RASAL2: variants seen among roughly 807,000 people sequenced by gnomAD.
RASAL2 encodes the protein RAS protein activator like 2, also known as ras GTPase-activating protein nGAP.
RASAL2 carries 58 observed loss-of-function variants against 128.9 expected under a neutral mutation model. The observed-to-expected ratio is 0.45, with a 90% CI of 0.36 to 0.56. The LOEUF (loss-of-function observed/expected upper bound fraction) is 0.56, where lower values mean the gene tolerates loss of function less well. Ranked by LOEUF, RASAL2 falls within the 20% of genes least tolerant of loss-of-function variation. RASAL2 has a pLI of 0.00. For synonymous variants in RASAL2, 561 were observed against 580.8 expected (o/e 0.97, Z 0.49); for missense variants, 1,360 against 1,601.6 (o/e 0.85, Z 2.57).
intron 14 of RASAL2, among the ~76,000 whole-genome samples, chr1:178,460,193 C>T (rs955584647): frequency 1.3e-5 from 2 of 152,112 alleles, no homozygotes; most frequent in African/African-American, 2.4e-5. Flanking sequence ...ATAGGATTAG[C>T]GAAGAGCATG....
rs571231229 is a variant in RASAL2, at chr1:178,351,732, GA to G, written c.458-38351del. Reference sequence around the variant, plus strand: ...TGACAGAGCGAGACTCTATCTCAAGGAAAAAAAAAAAAAAAAAGTGTAGGCA... The same window carrying G: ...TGACAGAGCGAGACTCTATCTCAAGGAAAAAAAAAAAAAAAAGTGTAGGCA... On this transcript the variant is annotated intron_variant, in intron 3 of 17. Transcript: ENST00000367649. Among the ~76,000 whole-genome samples, 226 of 110,982 alleles carry G rather than the reference GA, an allele frequency of 2.0e-3. 1 individual carries two copies. Among genetic ancestry groups the G allele is most frequent in the South Asian group, 8.7e-3 (28 of 3,232 alleles). 72.8% of individuals were successfully genotyped at this position (110,982 alleles called of 152,430 possible). A position where few individuals can be genotyped will look rare whatever the true frequency, so the allele number is the denominator to read the frequency against.
At chr1:178,314,288 A>T in intron 3 of RASAL2, among the ~76,000 whole-genome samples, 1 of 152,198 alleles carries the variant, frequency 6.6e-6, no homozygotes, top group South Asian at 2.1e-4. Flanking sequence ...GAATTCAGAA[A>T]ATGTCAGTAA....
chr1:178,470,677 C>T (rs1166701358), intron 17 of RASAL2: 4 of 1,364,946 alleles, frequency 2.9e-6, no homozygotes, highest in Non-Finnish European at 3.9e-6. Flanking sequence ...GATATCTCCG[C>T]TGTGTTAAAT....
chr1:178,376,557 A>G (rs1188400894), intron 3 of RASAL2, among the ~76,000 whole-genome samples: 1 of 152,162 alleles, frequency 6.6e-6, no homozygotes, highest in Non-Finnish European at 1.5e-5. Context: ...GAAAAAACTC[A>G]TACAGGAACC....
At chr1:178,383,155 C>T (rs1457962207) in intron 3 of RASAL2, among the ~76,000 whole-genome samples, 1 of 152,064 alleles carries the variant, frequency 6.6e-6, no homozygotes. Flanking sequence ...GATGGCTTTA[C>T]TTTATGAGAA....
At chr1:178,330,849 C>T (rs1669267282) in intron 3 of RASAL2, among the ~76,000 whole-genome samples, 4 of 152,122 alleles carry the variant, frequency 2.6e-5, no homozygotes, top group South Asian at 2.1e-4. Context: ...ATATGTTTGG[C>T]ATTTAATAAC....
At chr1:178,200,057 C>A (rs1172701866) in intron 1 of RASAL2, among the ~76,000 whole-genome samples, 1 of 152,166 alleles carries the variant, frequency 6.6e-6, no homozygotes, top group Non-Finnish European at 1.5e-5. Context: ...TTGCAGACGG[C>A]CTATTATGGT....
chr1:178,430,807 T>C (rs1035094561), intron 5 of RASAL2, among the ~76,000 whole-genome samples: 1 of 151,872 alleles, frequency 6.6e-6, no homozygotes, highest in Admixed American at 6.6e-5. Flanking sequence ...TTGGCTTCAG[T>C]TTGAGTGTTT....
At chr1:178,134,029 A>T (rs980011754) in intron 1 of RASAL2, among the ~76,000 whole-genome samples, 2 of 152,238 alleles carry the variant, frequency 1.3e-5, no homozygotes, top group African/African-American at 4.8e-5. Flanking sequence ...CTATTGCTGT[A>T]TAACAAACTA....
intron 1 of RASAL2, among the ~76,000 whole-genome samples, chr1:178,180,101 C>T (rs566643558): frequency 6.6e-6 from 1 of 152,086 alleles, no homozygotes; most frequent in South Asian, 2.1e-4. Context: ...ATAATCCTGT[C>T]GTTGTATGTA....
chr1:178,234,387 T>C (rs1664141653), intron 1 of RASAL2, among the ~76,000 whole-genome samples: 1 of 152,200 alleles, frequency 6.6e-6, no homozygotes, highest in African/African-American at 2.4e-5. Context: ...TATCATAAAA[T>C]ACTCCATTTG....
At chr1:178,165,411 G>A (rs1661486760) in intron 1 of RASAL2, among the ~76,000 whole-genome samples, 1 of 152,038 alleles carries the variant, frequency 6.6e-6, no homozygotes, top group Admixed American at 6.6e-5. Flanking sequence ...TTTACATTGT[G>A]TTAGATATTA....
chr1:178,476,244 C>A lies in RASAL2; in HGVS notation c.*3005C>A, dbSNP rs185949433. On this transcript the variant is annotated 3_prime_UTR_variant, in exon 18 of 18. Transcript: ENST00000367649. ...AAGTGCATGTCTAGCTGACAACAGA[C>A]TTGACCATTAATGAGGACAGTGTTG... is the stretch of plus-strand genomic sequence containing the variant. 34 of 152,336 alleles carry A rather than the reference C, an allele frequency of 2.2e-4. No individual in the cohort carries two copies. Among genetic ancestry groups the A allele is most frequent in the African/African-American group, 7.7e-4 (32 of 41,580 alleles). 9.4% of individuals were successfully genotyped at this position (152,336 alleles called of 1,614,324 possible). A position where few individuals can be genotyped will look rare whatever the true frequency, so the allele number is the denominator to read the frequency against.
At chr1:178,176,639 A>AGG (rs748676886) in intron 1 of RASAL2, among the ~76,000 whole-genome samples, 8 of 144,102 alleles carry the variant, frequency 5.6e-5, no homozygotes, top group Admixed American at 4.9e-4. Context: ...AGAAAGAGGG[A>AGG]GAGAGAGAGA....
At chr1:178,300,268 G>C (rs1667707667) in intron 3 of RASAL2, 150 bp downstream of exon 3, 4 of 954,926 alleles carry the variant, frequency 4.2e-6, no homozygotes, top group African/African-American at 3.3e-5. Flanking sequence ...GGTCATTAGA[G>C]AGTTCTGTTC....
rs74128840 is a variant in RASAL2 at position 178,094,762 on chromosome 1, A to G, written c.202+68A>G. ...TTGCTTGGGCTGAAATTCATTCCCT[A>G]AGTCACAGGCTCATTCCCAGTCCTC... is the stretch of plus-strand genomic sequence containing the variant. On this transcript the variant is annotated intron_variant, in intron 1 of 17. Coordinates refer to ENST00000367649, the MANE Select transcript of RASAL2 (RefSeq NM_170692.4). The G allele has an allele frequency of 7.2e-3, 11,383 of 1,572,148 alleles. 553 individuals carry two copies. The African/African-American group carries it at 0.12, about 17-fold the overall frequency.
In RASAL2 at chr1:178,346,237, A is replaced by C. The variant is rs1281934150; in HGVS notation, c.458-43863A>C. Among the ~76,000 whole-genome samples the C allele has an allele frequency of 3.3e-5, 5 of 152,036 alleles. No individual in the cohort carries two copies. In the East Asian group the frequency reaches 9.6e-4, roughly 29 times the overall value. On this transcript the variant is annotated intron_variant, in intron 3 of 17. Coordinates refer to ENST00000367649, the MANE Select transcript of RASAL2 (RefSeq NM_170692.4). ...GGCAACATAGTGAGACCTCCCCTCTACAGAAAATTTAAAAATCAGCCAGGC... is the reference window on the plus strand; with the variant it reads ...GGCAACATAGTGAGACCTCCCCTCTCCAGAAAATTTAAAAATCAGCCAGGC...
intron 1 of RASAL2, among the ~76,000 whole-genome samples, chr1:178,175,715 T>C (rs1661863597): frequency 6.6e-6 from 1 of 151,836 alleles, no homozygotes; most frequent in South Asian, 2.1e-4. Context: ...GCCTTCTGAG[T>C]TTCCAAAGTC....
chr1:178,355,619 A>G (rs1398420762), intron 3 of RASAL2, among the ~76,000 whole-genome samples: 3 of 152,218 alleles, frequency 2.0e-5, no homozygotes, highest in Non-Finnish European at 4.4e-5. Flanking sequence ...ATTATAAAGA[A>G]GAAAAAGGTG....
Sources: allele counts gnomAD v4.1 joint callset (sites outside exome capture counted in the v4.1 genomes callset), GRCh38; gene constraint gnomAD v4.1.1; transcripts MANE v1.5; gene names NCBI Gene and HGNC (gene_info 2026-07-23, HGNC 2026-07-21).